OSBPL8: variants seen among roughly 807,000 people sequenced by gnomAD.
OSBPL8 encodes oxysterol-binding protein-related protein 8.
A neutral mutation model predicts 125.5 loss-of-function variants in OSBPL8; 59 were observed. That is an observed-to-expected ratio of 0.47 (90% CI 0.38 to 0.58). The LOEUF (loss-of-function observed/expected upper bound fraction) is 0.58, where lower values mean the gene tolerates loss of function less well. Ranked by LOEUF, OSBPL8 falls within the 20% of genes least tolerant of loss-of-function variation. The pLI is 0.00. For missense variants in OSBPL8, 758 were observed against 1,047.8 expected (o/e 0.72, Z 3.82); for synonymous variants, 330 against 338.9 (o/e 0.97, Z 0.29).
rs2136286750 is a variant in OSBPL8 at position 76,389,204 on chromosome 12, G to C, written c.1352+441C>G. On this transcript the variant is annotated intron_variant, in intron 12 of 23. Transcript: ENST00000261183. ...GATTTGTTCCAAAAGCTAGCAACTG[G>C]CAGGGCATTCTAGTTCTGGTAAGCC... Among the ~76,000 whole-genome samples, 2 of 152,264 alleles carry C rather than the reference G, an allele frequency of 1.3e-5. 1 individual carries two copies. Among genetic ancestry groups the C allele is most frequent in the South Asian group, 4.1e-4 (2 of 4,828 alleles).
At chr12:76,546,276 T>C (rs1001367922) in intron 1 of OSBPL8, among the ~76,000 whole-genome samples, 4 of 152,162 alleles carry the variant, frequency 2.6e-5, no homozygotes, top group African/African-American at 4.8e-5. Flanking sequence ...ATAAACAAAA[T>C]CTTGCTAGTT....
intron 1 of OSBPL8, among the ~76,000 whole-genome samples, chr12:76,559,195 A>C (rs1332455185): frequency 6.6e-6 from 1 of 152,132 alleles, no homozygotes; most frequent in Non-Finnish European, 1.5e-5. Context: ...AGATGCACCT[A>C]CTGTGGGCCC....
chr12:76,516,581 G>C (rs1271897384), intron 1 of OSBPL8, among the ~76,000 whole-genome samples: 1 of 152,036 alleles, frequency 6.6e-6, no homozygotes. Context: ...AAAAGTAAAA[G>C]AAAGGACACA....
intron 3 of OSBPL8, among the ~76,000 whole-genome samples, chr12:76,451,682 T>C (rs1168579770): frequency 6.6e-6 from 1 of 152,212 alleles, no homozygotes; most frequent in Admixed American, 6.5e-5. Context: ...TCCTACTATC[T>C]ATCGCTCAGT....
chr12:76,422,923 T>C (rs1168140773), intron 4 of OSBPL8: 1 of 199,916 alleles, frequency 5.0e-6, no homozygotes, highest in Admixed American at 5.2e-5. Context: ...ACTAATGTTT[T>C]ACCTTTTTAT....
At chr12:76,533,431 A>T (rs1950405125) in intron 1 of OSBPL8, among the ~76,000 whole-genome samples, 1 of 152,206 alleles carries the variant, frequency 6.6e-6, no homozygotes, top group Admixed American at 6.5e-5. Context: ...GATTTGCGGT[A>T]AACTTCATGA....
chr12:76,389,833 TATCA>T lies in OSBPL8; in HGVS notation c.1168-8_1168-5del. On this transcript the variant is annotated splice_polypyrimidine_tract_variant and splice_region_variant and intron_variant, in intron 11 of 23. Coordinates refer to ENST00000261183, the MANE Select transcript of OSBPL8 (RefSeq NM_020841.5). ...CTGTTTGAGAAGCCTCACCTGCCTTTATCAATTAATGAAAATTACCAAAACATTA... is the reference window on the plus strand; with the variant it reads ...CTGTTTGAGAAGCCTCACCTGCCTTTATTAATGAAAATTACCAAAACATTA... 6.8e-6 allele frequency: 10 copies of T among 1,481,268 alleles called. No homozygotes were observed. Among genetic ancestry groups the T allele is most frequent in the Non-Finnish European group, 9.0e-6 (10 of 1,110,272 alleles). The allele number at this position is 1,481,268 out of a possible 1,614,324, so 91.8% of individuals were successfully genotyped here.
At chr12:76,534,378 A>C (rs1950433152) in intron 1 of OSBPL8, 1 of 152,186 alleles carries the variant, frequency 6.6e-6, no homozygotes, top group African/African-American at 2.4e-5. Flanking sequence ...TGGTATTTAA[A>C]CACAGGGCTT....
chr12:76,457,390 T>C (rs942552102), intron 3 of OSBPL8, among the ~76,000 whole-genome samples: 1 of 152,210 alleles, frequency 6.6e-6, no homozygotes, highest in African/African-American at 2.4e-5. Context: ...TTTAAAGTAG[T>C]AAGAAAATAA....
intron 1 of OSBPL8, among the ~76,000 whole-genome samples, chr12:76,532,648 G>A (rs1950377991): frequency 1.3e-5 from 2 of 151,420 alleles, no homozygotes; most frequent in South Asian, 4.2e-4. Flanking sequence ...CTTCTTTTGG[G>A]AAAGGAACAT....
At chr12:76,452,996 T>C (rs1283670019) in intron 3 of OSBPL8, among the ~76,000 whole-genome samples, 1 of 149,596 alleles carries the variant, frequency 6.7e-6, no homozygotes. Context: ...TGGCACAATT[T>C]GGCATTTTTT....
At chr12:76,357,000 A>G (rs1952012162) in intron 22 of OSBPL8, among the ~76,000 whole-genome samples, 1 of 152,200 alleles carries the variant, frequency 6.6e-6, no homozygotes, top group Admixed American at 6.5e-5. Flanking sequence ...TTAGAAATAC[A>G]TATTAACTTG....
intron 18 of OSBPL8, chr12:76,372,007 T>C (rs933727039): frequency 1.9e-5 from 3 of 154,228 alleles, no homozygotes; most frequent in African/African-American, 4.8e-5. Flanking sequence ...GAGCCTTTAC[T>C]AGCATTAAAA....
intron 1 of OSBPL8, among the ~76,000 whole-genome samples, chr12:76,503,839 G>A (rs1880148530): frequency 6.6e-6 from 1 of 151,958 alleles, no homozygotes; most frequent in Non-Finnish European, 1.5e-5. Context: ...CACCGCGCCT[G>A]GCCTATAACA....
At chr12:76,466,605 T>C (rs548955198) in intron 2 of OSBPL8, among the ~76,000 whole-genome samples, 3 of 152,324 alleles carry the variant, frequency 2.0e-5, no homozygotes, top group South Asian at 4.1e-4. Flanking sequence ...TTTTAAGTAA[T>C]AGTTATTTTT....
At chr12:76,412,698 C>T (rs969026104) in intron 4 of OSBPL8, among the ~76,000 whole-genome samples, 4 of 152,054 alleles carry the variant, frequency 2.6e-5, no homozygotes, top group African/African-American at 9.7e-5. Context: ...ATCTTTAAAA[C>T]AATGCCACAC....
At chr12:76,490,209 G>A (rs1878563670) in intron 1 of OSBPL8, among the ~76,000 whole-genome samples, 1 of 152,236 alleles carries the variant, frequency 6.6e-6, no homozygotes. Flanking sequence ...GAAATTGACA[G>A]GGACAGGGGA....
intron 18 of OSBPL8, among the ~76,000 whole-genome samples, chr12:76,372,162 T>C (rs957843042): frequency 4.6e-5 from 7 of 152,106 alleles, no homozygotes; most frequent in Non-Finnish European, 1.0e-4. Flanking sequence ...TGTTTAACCA[T>C]CCTTCTCCTT....
At chr12:76,533,357 T>C (rs1277828917) in intron 1 of OSBPL8, among the ~76,000 whole-genome samples, 2 of 152,192 alleles carry the variant, frequency 1.3e-5, no homozygotes, top group African/African-American at 4.8e-5. Flanking sequence ...ATTTGGATCC[T>C]ACTACTCAAG....
Sources: gnomAD v4.1 joint callset for allele counts (sites outside exome capture counted in the v4.1 genomes callset) on GRCh38, gnomAD v4.1.1 for gene constraint, MANE v1.5 for transcripts, NCBI Gene and HGNC (gene_info 2026-07-23, HGNC 2026-07-21) for gene names.